Variants in FAM107B observed in about 807,000 individuals in gnomAD.
The protein encoded by FAM107B is protein FAM107B.
In FAM107B, 21 loss-of-function variants were observed where a neutral mutation model predicts 31.5. The ratio of observed to expected loss-of-function variants is 0.67; its 90% confidence interval spans 0.47 to 0.96. FAM107B has a LOEUF of 0.96. Ranked by LOEUF, FAM107B falls within the 40% of genes least tolerant of loss-of-function variation. FAM107B has a pLI of 0.00. For missense variants in FAM107B, 452 were observed against 377.1 expected (o/e 1.20, Z -1.64); for synonymous variants, 157 against 141.5 (o/e 1.11, Z -0.78).
At chr10:14,723,512 C>A (rs1417779212) in intron 1 of FAM107B, 11 of 608,330 alleles carry the variant, frequency 1.8e-5, no homozygotes, top group Non-Finnish European at 3.4e-5. Flanking sequence ...ATGCACAAAA[C>A]TTCCCAGGCC....
chr10:14,774,120 G>A (rs1833366225), intron 1 of FAM107B, 133 bp downstream of exon 1: 2 of 1,068,834 alleles, frequency 1.9e-6, no homozygotes, highest in Non-Finnish European at 2.6e-6. Context: ...ACACTTCTTC[G>A]CACTAGTGAG....
intron 2 of FAM107B, among the ~76,000 whole-genome samples, chr10:14,538,473 A>G (rs1007154346): frequency 1.3e-5 from 2 of 152,240 alleles, no homozygotes; most frequent in African/African-American, 2.4e-5. Flanking sequence ...AAGAGTATAT[A>G]CTGCATGCGT....
chr10:14,573,327 C>T (rs1319788862), intron 2 of FAM107B, among the ~76,000 whole-genome samples: 1 of 152,162 alleles, frequency 6.6e-6, no homozygotes, highest in Non-Finnish European at 1.5e-5. Context: ...CTTCGGCCCC[C>T]TTCCTCTTTT....
chr10:14,561,618 C>T (rs974722985), intron 2 of FAM107B, among the ~76,000 whole-genome samples: 6 of 152,126 alleles, frequency 3.9e-5, no homozygotes, highest in Admixed American at 3.3e-4. Flanking sequence ...CGAGAGGCCC[C>T]GCAGTTTGTG....
intron 2 of FAM107B, among the ~76,000 whole-genome samples, chr10:14,538,478 A>T (rs1177851673): frequency 6.6e-6 from 1 of 152,248 alleles, no homozygotes; most frequent in Non-Finnish European, 1.5e-5. Context: ...TATATACTGC[A>T]TGCGTCCATG....
At chr10:14,724,126 C>T (rs7091922) in intron 1 of FAM107B, 19,011 of 536,970 alleles carry the variant, frequency 0.035, 606 homozygotes, top group African/African-American at 0.11. Flanking sequence ...GTGGGTAGCG[C>T]GGAAAGGCTG....
chr10:14,691,834 C>A (rs1855143141), intron 1 of FAM107B, among the ~76,000 whole-genome samples: 1 of 145,824 alleles, frequency 6.9e-6, no homozygotes, highest in African/African-American at 2.6e-5. Flanking sequence ...GCGGAGGTTG[C>A]AGTGAGCTGA....
chr10:14,657,208 C>T (rs1854083630), intron 2 of FAM107B, among the ~76,000 whole-genome samples: 1 of 152,328 alleles, frequency 6.6e-6, no homozygotes, highest in East Asian at 1.9e-4. Flanking sequence ...AATTTGCTCT[C>T]TGCCCATGTA....
At chr10:14,672,852 C>T (rs905506009) in intron 1 of FAM107B, among the ~76,000 whole-genome samples, 1 of 152,192 alleles carries the variant, frequency 6.6e-6, no homozygotes, top group African/African-American at 2.4e-5. Context: ...CACCAATGTA[C>T]ATCAAGTCAT....
At chr10:14,632,837 C>T (rs1853402613) in intron 2 of FAM107B, among the ~76,000 whole-genome samples, 1 of 151,870 alleles carries the variant, frequency 6.6e-6, no homozygotes, top group South Asian at 2.1e-4. Context: ...GCAAGAAATG[C>T]CAGCTAGGGA....
At chr10:14,553,688 G>A (rs941985474) in intron 2 of FAM107B, among the ~76,000 whole-genome samples, 2 of 152,208 alleles carry the variant, frequency 1.3e-5, no homozygotes, top group African/African-American at 4.8e-5. Context: ...AGGAGCCCAA[G>A]CTTTAGAGTC....
intron 2 of FAM107B, among the ~76,000 whole-genome samples, chr10:14,620,297 A>G (rs915058330): frequency 1.4e-3 from 212 of 152,196 alleles, no homozygotes; most frequent in African/African-American, 4.5e-3. Flanking sequence ...GATTACAGGC[A>G]TGAGCCACCG....
At chr10:14,712,289 A>AAAAAAT (rs1855667729) in intron 1 of FAM107B, among the ~76,000 whole-genome samples, 1 of 152,172 alleles carries the variant, frequency 6.6e-6, no homozygotes, top group South Asian at 2.1e-4. Flanking sequence ...AATTAAAAAA[A>AAAAAAT]AATGTTTAAA....
chr10:14,682,904 A>AAAAT (rs898674021), intron 1 of FAM107B, among the ~76,000 whole-genome samples: 123 of 152,196 alleles, frequency 8.1e-4, no homozygotes, highest in African/African-American at 2.5e-3. Flanking sequence ...AAAAAAAAGA[A>AAAAT]AAATAAATAA....
rs35000609 is a variant in FAM107B, at chr10:14,590,989, CAAAAAAAAAAA to C, written c.470-60485_470-60475del. The stretch of plus-strand genomic sequence containing the variant: ...GGGCAACAAGAGCAAAACTCCATCT[CAAAAAAAAAAA>C]AAAAAAAAAAAGATCCATTTCTTCC... On this transcript the variant is annotated intron_variant, in intron 2 of 4. Coordinates refer to ENST00000181796, the MANE Select transcript of FAM107B (RefSeq NM_031453.4). Among the ~76,000 whole-genome samples the C allele has an allele frequency of 3.3e-3, 223 of 67,018 alleles. 1 individual carries two copies. The Middle Eastern group carries it at 0.061, about 18-fold the overall frequency. 44.0% of individuals were successfully genotyped at this position (67,018 alleles called of 152,430 possible). A position where few individuals can be genotyped will look rare whatever the true frequency, so the allele number is the denominator to read the frequency against.
chr10:14,599,157 C>A (rs749810843), intron 2 of FAM107B, among the ~76,000 whole-genome samples: 52 of 152,186 alleles, frequency 3.4e-4, no homozygotes, highest in Non-Finnish European at 1.2e-4. Context: ...CTGCAACCTG[C>A]ATTTTTTCTA....
rs1845611250 is a variant in FAM107B, at chr10:14,521,320, A to C, written c.805-14T>G. The C allele has an allele frequency of 6.2e-7, 1 of 1,604,794 alleles. No individual in the cohort carries two copies. The highest frequency in any genetic ancestry group is 8.5e-7 in the Non-Finnish European group (1 of 1,172,780). ...CTCAAGTTCAAGCTAAATGACATTC[A>C]GAAAAGGAAAAATTATTTACAAACC... On this transcript the variant is annotated splice_polypyrimidine_tract_variant and intron_variant, in intron 4 of 4. Coordinates refer to ENST00000181796, the MANE Select transcript of FAM107B (RefSeq NM_031453.4).
intron 1 of FAM107B, among the ~76,000 whole-genome samples, chr10:14,689,310 G>T (rs932954821): frequency 1.3e-5 from 2 of 150,606 alleles, no homozygotes; most frequent in Non-Finnish European, 3.0e-5. Context: ...AACCCAGGAG[G>T]TCGAGGCTGC....
chr10:14,562,116 A>T (rs1185086840), intron 2 of FAM107B, among the ~76,000 whole-genome samples: 1 of 152,218 alleles, frequency 6.6e-6, no homozygotes, highest in Non-Finnish European at 1.5e-5. Context: ...CAAAAAGTTC[A>T]ACTCATACTT....
Sources: allele counts gnomAD v4.1 joint callset (sites outside exome capture counted in the v4.1 genomes callset), GRCh38; gene constraint gnomAD v4.1.1; transcripts MANE v1.5; gene names NCBI Gene and HGNC (gene_info 2026-07-23, HGNC 2026-07-21).